The following LUZP4 variants were observed in gnomAD, a reference collection of about 807,000 sequenced individuals.
LUZP4 encodes the protein leucine zipper protein 4, also known as HOM-TES-85 tumor antigen.
Under a neutral mutation model 8.5 loss-of-function variants are expected in LUZP4, and 11 were observed. That is an observed-to-expected ratio of 1.30 (90% CI 0.82 to 2.14). The LOEUF (loss-of-function observed/expected upper bound fraction) is 2.14. Ranked by LOEUF, LUZP4 falls within the 30% of genes most tolerant of loss-of-function variation. The pLI, the probability that LUZP4 is intolerant of heterozygous loss-of-function variation, is 0.00. For synonymous variants in LUZP4, 104 were observed against 79.4 expected, an observed-to-expected ratio of 1.31 and a Z score of -1.65; for missense variants, 276 against 229.7, an observed-to-expected ratio of 1.20 and a Z score of -1.30.
In LUZP4 at chrX:115,302,061, A is replaced by G; in HGVS notation, c.161A>G (p.His54Arg). 1.7e-6 allele frequency: 2 copies of G among 1,195,350 alleles called. No individual in the cohort carries two copies. The highest frequency in any genetic ancestry group is 2.3e-6 in the Non-Finnish European group (2 of 884,703). ...AEEEKNKRQN[H>R]SKKESPSRQQ... is the part of the protein sequence containing the mutation. ...GAAGAAAAGAATAAAAGACAGAACC[A>G]TAGTAAAAAGGAATCGCCTTCAAGA... is the stretch of plus-strand genomic sequence containing the variant. The change falls in exon 2 of 4, where the codon CAT (histidine) becomes CGT (arginine). Residue 54 changes from histidine to arginine, a missense_variant. Physicochemically the swap from His to Arg is conservative, Grantham distance 29. Transcript: ENST00000371920.
intron 2 of LUZP4, among the ~76,000 whole-genome samples, chrX:115,302,756 G>A (rs2073403335): frequency 8.9e-6 from 1 of 112,610 alleles, no homozygotes; most frequent in Non-Finnish European, 1.9e-5. Flanking sequence ...ATCTTCAGTG[G>A]CTCAGCATGT....
chrX:115,300,620 T>G (rs1357496542), intron 1 of LUZP4, among the ~76,000 whole-genome samples: 1 of 111,459 alleles, frequency 9.0e-6, no homozygotes, highest in African/African-American at 3.3e-5. Context: ...GATTCCTCTC[T>G]GACTGGGGCT....
chrX:115,304,479 A>G, intron 3 of LUZP4, among the ~76,000 whole-genome samples: 1 of 111,867 alleles, frequency 8.9e-6, no homozygotes, highest in Non-Finnish European at 1.9e-5. Context: ...TAAATATTAA[A>G]CAATATTTTC....
At chrX:115,291,335 G>A (rs1260088505) in intron 1 of LUZP4, among the ~76,000 whole-genome samples, 2 of 111,316 alleles carry the variant, frequency 1.8e-5, no homozygotes, top group African/African-American at 6.5e-5. Flanking sequence ...CTGGCCTCAA[G>A]CAATCCTCCC....
intron 1 of LUZP4, among the ~76,000 whole-genome samples, chrX:115,292,396 G>A (rs868931601): frequency 2.9e-4 from 32 of 110,904 alleles, no homozygotes; most frequent in Middle Eastern, 9.3e-3. Flanking sequence ...CTTCTTGGTG[G>A]AATTGCTTTC....
At chrX:115,299,050 AGAGGTACCGCCTT>A in intron 1 of LUZP4, among the ~76,000 whole-genome samples, 1 of 111,844 alleles carries the variant, frequency 8.9e-6, no homozygotes, top group African/African-American at 3.2e-5. Flanking sequence ...GCAAACTCAT[AGAGGTACCGCCTT>A]GATGGTTTTG....
intron 1 of LUZP4, among the ~76,000 whole-genome samples, chrX:115,291,676 C>T (rs1156536823): frequency 1.8e-4 from 20 of 110,384 alleles, no homozygotes; most frequent in Non-Finnish European, 3.8e-4. Context: ...AATCCCAGCA[C>T]TTTGGGAGGT....
chrX:115,291,305 C>T (rs889071191), intron 1 of LUZP4, among the ~76,000 whole-genome samples: 2 of 110,608 alleles, frequency 1.8e-5, no homozygotes, highest in Non-Finnish European at 3.8e-5. Flanking sequence ...CCTTATGTTG[C>T]CCAGGCTGGT....
intron 1 of LUZP4, among the ~76,000 whole-genome samples, chrX:115,290,343 T>G (rs1457269628): frequency 2.7e-5 from 3 of 110,520 alleles, no homozygotes; most frequent in African/African-American, 9.9e-5. Context: ...CTAGGAGTTG[T>G]TGGTGGGTTG....
At chrX:115,293,761 G>C (rs1180653510) in intron 1 of LUZP4, among the ~76,000 whole-genome samples, 1 of 109,572 alleles carries the variant, frequency 9.1e-6, no homozygotes, top group Non-Finnish European at 1.9e-5. Context: ...GACCAGCCTG[G>C]CCAACATGGT....
chrX:115,297,421 C>CT (rs1449546394), intron 1 of LUZP4, among the ~76,000 whole-genome samples: 2 of 112,075 alleles, frequency 1.8e-5, no homozygotes, highest in African/African-American at 6.5e-5. Context: ...GAAGCACTCC[C>CT]TTTAGCATTT....
Position 115,303,335 on chromosome X carries a change from A to C in LUZP4, c.259A>C (p.Asn87His), listed in dbSNP as rs1193925353. The change falls in exon 3 of 4, where the codon AAT becomes CAT. Residue 87 changes from asparagine to histidine, a missense_variant. Asn to His is a moderately conservative substitution (Grantham distance 68). Transcript: ENST00000371920. ...SRCRSNSEEG[N>H]HDKKPSQKPS... The stretch of plus-strand genomic sequence containing the variant: ...ATGCAGAAGCAACTCTGAGGAAGGA[A>C]ATCATGATAAAAAACCATCCCAAAA... 8.4e-7 allele frequency: 1 copy of C among 1,195,281 alleles called. No homozygotes were observed. Among genetic ancestry groups the C allele is most frequent in the Non-Finnish European group, 1.1e-6 (1 of 885,104 alleles).
intron 1 of LUZP4, among the ~76,000 whole-genome samples, chrX:115,301,205 CAGA>C (rs2073395764): frequency 9.0e-6 from 1 of 110,914 alleles, no homozygotes; most frequent in South Asian, 3.9e-4. Flanking sequence ...GTGTAGCTTC[CAGA>C]AGGTGTGGGG....
In LUZP4 at chrX:115,307,034, G is replaced by A. The variant is rs782233180; in HGVS notation, c.*230G>A. The A allele has an allele frequency of 2.8e-4, 113 of 402,512 alleles. No individual in the cohort carries two copies. The highest frequency in any genetic ancestry group is 3.2e-4 in the Non-Finnish European group (73 of 231,721). 33.2% of individuals were successfully genotyped at this position (402,512 alleles called of 1,213,427 possible). ...GTTCCCGGTAGGTCTGCTTTCCCTGGAAGAGCCGTATGTACTCAGCCTTTC... is the reference window on the plus strand; with the variant it reads ...GTTCCCGGTAGGTCTGCTTTCCCTGAAAGAGCCGTATGTACTCAGCCTTTC... On this transcript the variant is annotated 3_prime_UTR_variant, in exon 4 of 4. Transcript: ENST00000371920.
chrX:115,306,659 T>C lies in LUZP4; in HGVS notation c.797T>C (p.Leu266Pro), dbSNP rs1556604327. The stretch of plus-strand genomic sequence containing the variant: ...GATCTCATAGCCACTCAGAGAGATC[T>C]CATAGCCACTCAGAGAGATCTCATA... Reference protein sequence around the residue: ...QKDLIATQRDLIATQRDLIVT... With the variant: ...QKDLIATQRDPIATQRDLIVT... The change falls in exon 4 of 4, where the codon CTC becomes CCC. Residue 266 changes from leucine to proline, a missense_variant. By Grantham distance (98) the Leu-to-Pro change is moderately conservative. Transcript: ENST00000371920. 6.6e-6 allele frequency: 8 copies of C among 1,210,823 alleles called. No homozygotes were observed. The highest frequency in any genetic ancestry group is 2.3e-4 in the Middle Eastern group (1 of 4,258).
chrX:115,298,451 T>C lies in LUZP4; in HGVS notation c.92-3541T>C, dbSNP rs143867887. Among the ~76,000 whole-genome samples, 102 of 112,780 alleles carry C rather than the reference T, an allele frequency of 9.0e-4. 1 individual carries two copies. The highest frequency in any genetic ancestry group is 1.8e-3 in the Admixed American group (19 of 10,683). ...TCTTAGATTTGCCCTTTTGAGGCTA[T>C]TTTCTAGATCCTGTAGGTGTGTTTC... On this transcript the variant is annotated intron_variant, in intron 1 of 3. Coordinates refer to ENST00000371920, the MANE Select transcript of LUZP4 (RefSeq NM_016383.5).
intron 1 of LUZP4, among the ~76,000 whole-genome samples, chrX:115,290,762 C>G (rs1227565591): frequency 2.7e-5 from 3 of 109,705 alleles, no homozygotes; most frequent in Non-Finnish European, 5.7e-5. Flanking sequence ...GAGGACAAAA[C>G]AGAAAAGGGC....
At chrX:115,293,778 C>T (rs1034588462) in intron 1 of LUZP4, among the ~76,000 whole-genome samples, 1 of 108,726 alleles carries the variant, frequency 9.2e-6, no homozygotes, top group Admixed American at 9.9e-5. Context: ...TGGTGAAATC[C>T]TGTCTCTCCT....
At chrX:115,292,600 C>T (rs2073353480) in intron 1 of LUZP4, among the ~76,000 whole-genome samples, 2 of 109,733 alleles carry the variant, frequency 1.8e-5, no homozygotes, top group South Asian at 7.8e-4. Context: ...TTCTAATCTG[C>T]TTGCCTTTCA....
Sources: gnomAD v4.1 joint callset for allele counts (sites outside exome capture counted in the v4.1 genomes callset) on GRCh38, gnomAD v4.1.1 for gene constraint, MANE v1.5 for transcripts, NCBI Gene and HGNC (gene_info 2026-07-23, HGNC 2026-07-21) for gene names.